Variants in UST observed in about 807,000 individuals in gnomAD.
The protein encoded by UST is chondroitin sulfate 2-O-sulfotransferase.
A neutral mutation model predicts 45.6 loss-of-function variants in UST; 21 were observed. That is an observed-to-expected ratio of 0.46 (90% CI 0.33 to 0.66). The LOEUF (loss-of-function observed/expected upper bound fraction) is 0.66, where lower values mean the gene tolerates loss of function less well. Ranked by LOEUF, UST falls within the 30% of genes least tolerant of loss-of-function variation. The pLI is 0.02. For missense variants in UST, 463 were observed against 512.4 expected, an observed-to-expected ratio of 0.90 and a Z score of 0.93; for synonymous variants, 215 against 200.6, an observed-to-expected ratio of 1.07 and a Z score of -0.61.
chr6:148,993,041 A>T (rs533323102), intron 5 of UST: 2 of 985,308 alleles, frequency 2.0e-6, no homozygotes, highest in African/African-American at 3.5e-5. Context: ...TTCAATCCCA[A>T]CTGGCAAGGA....
intron 1 of UST, among the ~76,000 whole-genome samples, chr6:148,780,510 C>G (rs368617104): frequency 6.6e-6 from 1 of 152,164 alleles, no homozygotes; most frequent in African/African-American, 2.4e-5. Flanking sequence ...CATCAATTAG[C>G]TCCCACTTAT....
chr6:148,915,034 A>G (rs1013115609), intron 2 of UST, among the ~76,000 whole-genome samples: 37 of 151,984 alleles, frequency 2.4e-4, no homozygotes, highest in Non-Finnish European at 7.4e-5. Context: ...CACATGGTGG[A>G]GGGGGCATGG....
At chr6:149,016,347 A>G (rs1431066930) in intron 5 of UST, among the ~76,000 whole-genome samples, 1 of 152,170 alleles carries the variant, frequency 6.6e-6, no homozygotes, top group Non-Finnish European at 1.5e-5. Flanking sequence ...TCCCCTCACC[A>G]GCCAGCTGAT....
chr6:149,003,623 A>C (rs1021738501), intron 5 of UST, among the ~76,000 whole-genome samples: 18 of 152,340 alleles, frequency 1.2e-4, no homozygotes, highest in African/African-American at 4.3e-4. Flanking sequence ...TTCCACTTTT[A>C]CCTTCGAAAA....
Position 149,005,453 on chromosome 6 carries a change from T to A in UST, c.682-13686T>A, listed in dbSNP as rs999794037. The A allele has an allele frequency of 3.3e-5, 33 of 985,468 alleles. No homozygotes were observed. In the Middle Eastern group the frequency reaches 1.6e-3, roughly 47 times the overall value. 61.0% of individuals were successfully genotyped at this position (985,468 alleles called of 1,614,324 possible). Reference sequence around the variant, plus strand: ...GAAAAAGGGCATGCAACCTCAGCAGTGTCTCTCTGCCTCTCACCAAATTGA... The same window carrying A: ...GAAAAAGGGCATGCAACCTCAGCAGAGTCTCTCTGCCTCTCACCAAATTGA... On this transcript the variant is annotated intron_variant, in intron 5 of 7. Transcript: ENST00000367463.
chr6:148,886,708 T>C (rs17079451), intron 1 of UST, among the ~76,000 whole-genome samples: 24,275 of 152,086 alleles, frequency 0.16, 2,375 homozygotes, highest in South Asian at 0.29. Context: ...CAGCAGATAA[T>C]GGGTGAGAAT....
chr6:149,065,336 C>G (rs1488637680), intron 7 of UST, among the ~76,000 whole-genome samples: 1 of 152,174 alleles, frequency 6.6e-6, no homozygotes, highest in East Asian at 1.9e-4. Context: ...GATGGAAAGT[C>G]TGGCATTTTA....
At chr6:148,838,306 A>G (rs1310469052) in intron 1 of UST, among the ~76,000 whole-genome samples, 1 of 152,200 alleles carries the variant, frequency 6.6e-6, no homozygotes, top group Admixed American at 6.5e-5. Flanking sequence ...CAGCGTGTGC[A>G]GGTGATGGTG....
At chr6:149,003,810 G>A (rs1219571759) in intron 5 of UST, among the ~76,000 whole-genome samples, 1 of 152,214 alleles carries the variant, frequency 6.6e-6, no homozygotes, top group Non-Finnish European at 1.5e-5. Flanking sequence ...GGTTCAGAGA[G>A]TGGAATTAGG....
intron 5 of UST, among the ~76,000 whole-genome samples, chr6:148,973,489 AGTAGAACTACATT>A (rs1008067877): frequency 6.6e-5 from 10 of 152,260 alleles, no homozygotes; most frequent in African/African-American, 2.4e-4. Flanking sequence ...GATGTGGGTG[AGTAGAACTACATT>A]TTAAATGCAG....
At chr6:148,992,367 G>A (rs1005798530) in intron 5 of UST, among the ~76,000 whole-genome samples, 5 of 152,168 alleles carry the variant, frequency 3.3e-5, no homozygotes, top group African/African-American at 7.2e-5. Context: ...TTAGCCGGGC[G>A]TTGAGGCAGG....
intron 5 of UST, chr6:148,993,130 G>C: frequency 2.1e-6 from 2 of 937,450 alleles, no homozygotes; most frequent in Non-Finnish European, 2.5e-6. Flanking sequence ...CCCAAATTCT[G>C]AATGTCAGTA....
chr6:149,068,014 C>A (rs1776766703), intron 7 of UST, among the ~76,000 whole-genome samples: 1 of 152,128 alleles, frequency 6.6e-6, no homozygotes, highest in African/African-American at 2.4e-5. Context: ...GTATTGGACC[C>A]AGAGATGATC....
At chr6:148,982,991 A>G (rs1180616490) in intron 5 of UST, among the ~76,000 whole-genome samples, 2 of 152,204 alleles carry the variant, frequency 1.3e-5, no homozygotes, top group African/African-American at 4.8e-5. Flanking sequence ...TCTAAATGTG[A>G]TTAGAGAAAG....
chr6:148,829,015 C>G (rs1346122905), intron 1 of UST, among the ~76,000 whole-genome samples: 8 of 152,122 alleles, frequency 5.3e-5, no homozygotes, highest in African/African-American at 1.7e-4. Context: ...ATATACATAA[C>G]CTACCAGAAA....
At chr6:149,045,591 G>A (rs1776384492) in intron 7 of UST, among the ~76,000 whole-genome samples, 1 of 152,104 alleles carries the variant, frequency 6.6e-6, no homozygotes, top group South Asian at 2.1e-4. Flanking sequence ...CAATTCTCTT[G>A]TCCACCACAG....
At chr6:148,867,702 C>A (rs143996156) in intron 1 of UST, among the ~76,000 whole-genome samples, 1,733 of 152,230 alleles carry the variant, frequency 0.011, 32 homozygotes, top group African/African-American at 0.04. Context: ...ACCTTCCGCC[C>A]TGATTGTGAG....
intron 7 of UST, among the ~76,000 whole-genome samples, chr6:149,070,637 G>C (rs894797666): frequency 6.6e-6 from 1 of 152,102 alleles, no homozygotes; most frequent in Non-Finnish European, 1.5e-5. Flanking sequence ...ATACCTAATG[G>C]GGTACATGAG....
At chr6:149,044,238 G>A (rs1351959010) in intron 7 of UST, among the ~76,000 whole-genome samples, 3 of 152,056 alleles carry the variant, frequency 2.0e-5, no homozygotes, top group Non-Finnish European at 4.4e-5. Context: ...ATTTCCCTCT[G>A]TTCAGCCTGA....
Sources: gnomAD v4.1 joint callset for allele counts (sites outside exome capture counted in the v4.1 genomes callset) on GRCh38, gnomAD v4.1.1 for gene constraint, MANE v1.5 for transcripts, NCBI Gene and HGNC (gene_info 2026-07-23, HGNC 2026-07-21) for gene names.